The following CDH23 variants were observed in gnomAD, a reference collection of about 807,000 sequenced individuals.
CDH23 encodes the protein cadherin related 23, also known as cadherin-23.
CDH23 carries 189 observed loss-of-function variants against 317.1 expected under a neutral mutation model. That is an observed-to-expected ratio of 0.60 (90% CI 0.53 to 0.67). The LOEUF (loss-of-function observed/expected upper bound fraction) is 0.67. Ranked by LOEUF, CDH23 falls within the 30% of genes least tolerant of loss-of-function variation. CDH23 has a pLI of 0.00. For missense variants in CDH23, 4,401 were observed against 4,592.4 expected (o/e 0.96, Z 1.20); for synonymous variants, 1,839 against 1,876.8 (o/e 0.98, Z 0.52).
At chr10:71,419,623 C>T (rs528469212) in intron 1 of CDH23, among the ~76,000 whole-genome samples, 2 of 151,410 alleles carry the variant, frequency 1.3e-5, no homozygotes, top group Admixed American at 1.3e-4. Flanking sequence ...TAGGTACTCA[C>T]CACTGGAATT....
chr10:71,752,333 T>A (rs1342288140), intron 38 of CDH23, among the ~76,000 whole-genome samples: 2 of 152,332 alleles, frequency 1.3e-5, no homozygotes, highest in South Asian at 4.1e-4. Context: ...AGATTCTAGA[T>A]GAGTTGCAAG....
rs114844676 is a variant in CDH23 at position 71,578,205 on chromosome 10, G to A, written c.832+213G>A. Among the ~76,000 whole-genome samples, 1,271 of 152,004 alleles carry A rather than the reference G, an allele frequency of 8.4e-3. 17 individuals carry two copies. The highest frequency in any genetic ancestry group is 0.028 in the African/African-American group (1,162 of 41,488). On this transcript the variant is annotated intron_variant, in intron 9 of 69. Transcript: ENST00000224721. ...CAGGGAGAAGAGGTGCTGGGAAGCC[G>A]ACAGAGGCTAAGCTGTCTGGGGGCT...
At position 71,810,011 on chromosome 10, in the gene CDH23, G is replaced by A. The variant is rs746716712; in HGVS notation, c.8914G>A (p.Glu2972Lys). 4.2e-5 allele frequency: 67 copies of A among 1,612,388 alleles called. No homozygotes were observed. Among genetic ancestry groups the A allele is most frequent in the Non-Finnish European group, 4.9e-5 (58 of 1,179,864 alleles). ...GATCCCCGACCGTGTGCGCGGCTTC[G>A]AGGAGGAGTTCATCCACCTGCTCTC... ...NEIPDRVRGF[E>K]EEFIHLLSNI... is the part of the protein sequence containing the mutation. The change falls in exon 61 of 70, where the codon GAG becomes AAG. Residue 2972 changes from glutamate (E) to lysine (K), a missense_variant. Glu to Lys is a moderately conservative substitution (Grantham distance 56). Around this residue, in one of 3 missense-constraint regions of CDH23, gnomAD observed 1,144 missense variants for 1,138.2 expected, o/e 1.01. Coordinates refer to ENST00000224721, the MANE Select transcript of CDH23 (RefSeq NM_022124.6).
At chr10:71,531,307 A>G (rs1855362691) in intron 6 of CDH23, among the ~76,000 whole-genome samples, 1 of 152,190 alleles carries the variant, frequency 6.6e-6, no homozygotes, top group South Asian at 2.1e-4. Context: ...GCTGCATTCT[A>G]GCTTTTTGCC....
At chr10:71,432,106 G>A (rs1849398084) in intron 1 of CDH23, among the ~76,000 whole-genome samples, 3 of 152,160 alleles carry the variant, frequency 2.0e-5, no homozygotes, top group Admixed American at 2.0e-4. Flanking sequence ...CAAAGGAGTG[G>A]GAACAGGAAG....
In CDH23 at chr10:71,487,293, T is replaced by A. The variant is rs1054280262; in HGVS notation, c.146-22789T>A. ...TGTATATGTGTATACAGATGACCCT[T>A]GAGCAATGTGGGGGTTAGGGGTGCT... On this transcript the variant is annotated intron_variant, in intron 3 of 69. Transcript: ENST00000224721. Among the ~76,000 whole-genome samples, 8 of 152,304 alleles carry A rather than the reference T, an allele frequency of 5.3e-5. No individual in the cohort carries two copies. The East Asian group carries it at 1.5e-3, about 29-fold the overall frequency.
At position 71,807,620 on chromosome 10, in the gene CDH23, G is replaced by C. The variant is rs1841772448; in HGVS notation, c.8413G>C (p.Ala2805Pro). Reference protein sequence around the residue: ...REAIFSFIVKASSNRSWTPPR... With the variant: ...REAIFSFIVKPSSNRSWTPPR... Reference sequence around the variant, plus strand: ...AGCCATCTTCTCCTTCATCGTCAAGGCCTCCAGCAATCGCAGCTGGACACC... The same window carrying C: ...AGCCATCTTCTCCTTCATCGTCAAGCCCTCCAGCAATCGCAGCTGGACACC... Residue 2805 changes from alanine (A) to proline (P), a missense_variant, in exon 59 of 70, where the codon GCC (alanine) becomes CCC (proline). By Grantham distance (27) the Ala-to-Pro change is conservative. Around this residue, in one of 3 missense-constraint regions of CDH23, gnomAD observed 1,144 missense variants for 1,138.2 expected, o/e 1.01. Coordinates refer to ENST00000224721, the MANE Select transcript of CDH23 (RefSeq NM_022124.6). The C allele has an allele frequency of 6.2e-7, 1 of 1,613,858 alleles. No individual in the cohort carries two copies. Among genetic ancestry groups the C allele is most frequent in the African/African-American group, 1.3e-5 (1 of 74,936 alleles).
At chr10:71,655,648 G>A (rs1279283802) in intron 14 of CDH23, among the ~76,000 whole-genome samples, 1 of 151,986 alleles carries the variant, frequency 6.6e-6, no homozygotes, top group African/African-American at 2.4e-5. Flanking sequence ...CCCCAAGCAG[G>A]TTCTCTCTGT....
chr10:71,479,830 T>G (rs1851978896), intron 3 of CDH23, among the ~76,000 whole-genome samples: 1 of 151,740 alleles, frequency 6.6e-6, no homozygotes, highest in Non-Finnish European at 1.5e-5. Flanking sequence ...GATGTGTGTG[T>G]GCATCCATAA....
chr10:71,416,195 T>C (rs772788297), intron 1 of CDH23, among the ~76,000 whole-genome samples: 1 of 152,152 alleles, frequency 6.6e-6, no homozygotes, highest in Non-Finnish European at 1.5e-5. Context: ...CGGCTAATTT[T>C]TGTATTTTTA....
At chr10:71,807,483 C>A (rs368436209) in intron 58 of CDH23, 33 bp from the exon 59 acceptor site, 2 of 1,612,274 alleles carry the variant, frequency 1.2e-6, no homozygotes, top group Non-Finnish European at 1.7e-6. Context: ...CCTGGCCCTG[C>A]CCCCTCACCC....
At chr10:71,572,688 G>A (rs906399086) in intron 8 of CDH23, among the ~76,000 whole-genome samples, 1 of 151,956 alleles carries the variant, frequency 6.6e-6, no homozygotes, top group Admixed American at 6.6e-5. Context: ...TTTTTTCCCT[G>A]GCTTCTTCCC....
At chr10:71,409,280 C>G (rs778422010) in intron 1 of CDH23, among the ~76,000 whole-genome samples, 4 of 152,118 alleles carry the variant, frequency 2.6e-5, no homozygotes, top group East Asian at 1.9e-4. Flanking sequence ...AGACCTGACA[C>G]AAAGGGGCTG....
chr10:71,746,061 G>A (rs1291490177), intron 38 of CDH23, among the ~76,000 whole-genome samples: 1 of 152,370 alleles, frequency 6.6e-6, no homozygotes, highest in East Asian at 1.9e-4. Context: ...TGTGAGGCCT[G>A]TAGTACAGGC....
At chr10:71,724,831 A>G (rs1466395065) in intron 29 of CDH23, among the ~76,000 whole-genome samples, 1 of 152,218 alleles carries the variant, frequency 6.6e-6, no homozygotes, top group Non-Finnish European at 1.5e-5. Context: ...GGGTAAAGTC[A>G]CTGCCCACAA....
At chr10:71,428,223 C>T (rs1441451580) in intron 1 of CDH23, among the ~76,000 whole-genome samples, 5 of 151,046 alleles carry the variant, frequency 3.3e-5, no homozygotes, top group South Asian at 2.1e-4. Flanking sequence ...CTGCAACCTC[C>T]GCCTCCTGGG....
chr10:71,598,704 G>A (rs1370530138), intron 9 of CDH23, among the ~76,000 whole-genome samples: 1 of 152,270 alleles, frequency 6.6e-6, no homozygotes, highest in Non-Finnish European at 1.5e-5. Context: ...GCGGCCAGAG[G>A]CTTTGGAAAG....
Position 71,403,300 on chromosome 10 carries a change from T to C in CDH23, c.-6+5982T>C, listed in dbSNP as rs115495642. Reference sequence around the variant, plus strand: ...GCCGGTACCCCTTTCATTTGCTTGCTTTCTCTTTCTCTTTCTTCCTTCCTT... The same window carrying C: ...GCCGGTACCCCTTTCATTTGCTTGCCTTCTCTTTCTCTTTCTTCCTTCCTT... On this transcript the variant is annotated intron_variant, in intron 1 of 69. Coordinates refer to ENST00000224721, the MANE Select transcript of CDH23 (RefSeq NM_022124.6). Among the ~76,000 whole-genome samples the C allele has an allele frequency of 1.5e-3, 226 of 151,718 alleles. 3 individuals are homozygous for C. Among genetic ancestry groups the C allele is most frequent in the African/African-American group, 4.9e-3 (203 of 41,124 alleles).
intron 3 of CDH23, among the ~76,000 whole-genome samples, chr10:71,478,921 A>T (rs1476631504): frequency 1.3e-5 from 2 of 152,210 alleles, no homozygotes; most frequent in Non-Finnish European, 2.9e-5. Flanking sequence ...CTGAGCAGGC[A>T]TGGTTTATTT....
Sources: allele counts gnomAD v4.1 joint callset (sites outside exome capture counted in the v4.1 genomes callset), GRCh38; gene constraint gnomAD v4.1.1; regional missense constraint gnomAD v4.1.1; transcripts MANE v1.5; gene names NCBI Gene and HGNC (gene_info 2026-07-23, HGNC 2026-07-21).